KIRREL1: variants seen among roughly 807,000 people sequenced by gnomAD.
KIRREL1 encodes kin of IRRE-like protein 1.
In KIRREL1, 25 loss-of-function variants were observed where a neutral mutation model predicts 83.3. The observed-to-expected ratio is 0.30, with a 90% CI of 0.22 to 0.42. KIRREL1 has a LOEUF of 0.42. Among genes scored for constraint, KIRREL1 ranks in the 10% least tolerant of loss-of-function variants. The probability of loss-of-function intolerance (pLI) is 1.00; values close to 1 mark genes in which losing one functional copy is unlikely to be tolerated. For synonymous variants in KIRREL1, 388 were observed against 410.4 expected (o/e 0.95, Z 0.66); for missense variants, 812 against 1,032.3 (o/e 0.79, Z 2.92).
chr1:158,095,074 C>CG lies in KIRREL1; in HGVS notation c.2230dup (p.Asp744GlyfsTer37). The CG allele has an allele frequency of 1.2e-6, 2 of 1,610,940 alleles. No individual in the cohort carries two copies. The highest frequency in any genetic ancestry group is 1.7e-6 in the Non-Finnish European group (2 of 1,177,792). Reference sequence around the variant, plus strand: ...CGATTCTCCTACACCTCCCAGCACTCGGACTACGGCCAGCGATTCCAGCAG... The same window carrying CG: ...CGATTCTCCTACACCTCCCAGCACTCGGGACTACGGCCAGCGATTCCAGCAG... On this transcript the variant is annotated frameshift_variant, in exon 15 of 15. Transcript: ENST00000359209. LOFTEE classifies it high-confidence loss of function.
At chr1:158,009,320 CCATTAA>C (rs1659606264) in intron 1 of KIRREL1, among the ~76,000 whole-genome samples, 4 of 152,156 alleles carry the variant, frequency 2.6e-5, no homozygotes, top group Admixed American at 2.6e-4. Flanking sequence ...TACTTCTTTG[CCATTAA>C]CTAGCAGTGA....
At chr1:158,091,661 C>T in intron 11 of KIRREL1, 105 bp downstream of exon 11, 1 of 1,109,054 alleles carries the variant, frequency 9.0e-7, no homozygotes, top group South Asian at 1.4e-5. Context: ...CCCTTGGGCT[C>T]TGCTCTGAGG....
At chr1:158,035,350 A>G (rs1187311137) in intron 1 of KIRREL1, among the ~76,000 whole-genome samples, 3 of 152,214 alleles carry the variant, frequency 2.0e-5, no homozygotes, top group Non-Finnish European at 4.4e-5. Flanking sequence ...GGAGCCTGAC[A>G]GCAAGGACTG....
chr1:158,076,801 T>C (rs536669962), intron 2 of KIRREL1, among the ~76,000 whole-genome samples: 63 of 152,272 alleles, frequency 4.1e-4, no homozygotes, highest in Non-Finnish European at 7.5e-4. Flanking sequence ...AAGCACTGGC[T>C]ATGTAGCTGG....
At chr1:158,048,326 G>A (rs1228882520) in intron 1 of KIRREL1, among the ~76,000 whole-genome samples, 1 of 152,202 alleles carries the variant, frequency 6.6e-6, no homozygotes, top group Non-Finnish European at 1.5e-5. Flanking sequence ...AGGAAACTGA[G>A]GCACAGAGCA....
intron 1 of KIRREL1, among the ~76,000 whole-genome samples, chr1:158,008,307 G>T (rs1373458557): frequency 1.3e-5 from 2 of 152,122 alleles, no homozygotes; most frequent in Admixed American, 1.3e-4. Context: ...GGCCCCAGGG[G>T]TCTCTGCCAG....
chr1:158,042,839 C>T (rs1187564160), intron 1 of KIRREL1, among the ~76,000 whole-genome samples: 1 of 148,656 alleles, frequency 6.7e-6, no homozygotes, highest in Non-Finnish European at 1.5e-5. Context: ...TTTGGGAGGC[C>T]AAGGTGGGAG....
chr1:158,031,341 GTGCACACACACACA>G (rs1660321002), intron 1 of KIRREL1, among the ~76,000 whole-genome samples: 1 of 143,042 alleles, frequency 7.0e-6, no homozygotes, highest in Admixed American at 6.8e-5. Context: ...ACACACGCGC[GTGCACACACACACA>G]TGCACACACA....
At position 158,096,835 on chromosome 1, in the gene KIRREL1, A is replaced by G; in HGVS notation, c.*1715A>G. On this transcript the variant is annotated 3_prime_UTR_variant, in exon 15 of 15. Transcript: ENST00000359209. ...CTGCATGTCCAGCCCAGTGGGAGAC[A>G]GGGCCTCTGGTGCAGTTCCCAAAAT... The G allele has an allele frequency of 2.2e-6, 1 of 456,692 alleles. No homozygotes were observed. The highest frequency in any genetic ancestry group is 4.4e-6 in the Non-Finnish European group (1 of 226,980). The allele number at this position is 456,692 out of a possible 1,614,324, so 28.3% of individuals were successfully genotyped here. A position where few individuals can be genotyped will look rare whatever the true frequency, so the allele number is the denominator to read the frequency against.
intron 1 of KIRREL1, among the ~76,000 whole-genome samples, chr1:158,067,074 G>A (rs1303964598): frequency 1.3e-5 from 2 of 152,180 alleles, no homozygotes; most frequent in Non-Finnish European, 2.9e-5. Context: ...TAGGTCTGGC[G>A]CAGGTGCCCT....
chr1:158,084,507 C>T lies in KIRREL1; in HGVS notation c.438C>T (p.Phe146=). The T allele has an allele frequency of 1.3e-6, 2 of 1,551,806 alleles. No individual in the cohort carries two copies. The highest frequency in any genetic ancestry group is 1.7e-6 in the Non-Finnish European group (2 of 1,147,012). ...CCCACAACCTCACATGCCGGGCCTTCAATGCGAAGCCTGCTGCCACCATCA... is the reference window on the plus strand; with the variant it reads ...CCCACAACCTCACATGCCGGGCCTTTAATGCGAAGCCTGCTGCCACCATCA... ...GTPHNLTCRA[F]NAKPAATIIW... The change falls in exon 4 of 15, where the codon TTC becomes TTT. Residue 146 remains phenylalanine (F), a synonymous_variant. Transcript: ENST00000359209.
intron 1 of KIRREL1, among the ~76,000 whole-genome samples, chr1:157,998,713 T>C (rs1408513233): frequency 6.6e-6 from 1 of 152,150 alleles, no homozygotes; most frequent in African/African-American, 2.4e-5. Flanking sequence ...TCTGGTAGGA[T>C]TGGAGGCTAG....
intron 2 of KIRREL1, among the ~76,000 whole-genome samples, chr1:158,077,586 G>T (rs1298147124): frequency 2.6e-5 from 4 of 152,192 alleles, no homozygotes; most frequent in Admixed American, 2.0e-4. Context: ...GAGTCCTGCA[G>T]AGGTGCTCCC....
At chr1:157,994,014 G>C (rs1203550769) in intron 1 of KIRREL1, among the ~76,000 whole-genome samples, 1 of 152,246 alleles carries the variant, frequency 6.6e-6, no homozygotes, top group Non-Finnish European at 1.5e-5. Context: ...CGAGTAAAAC[G>C]GGGAACCGAA....
In KIRREL1 at chr1:158,067,939, G is replaced by C. The variant is rs1201762763; in HGVS notation, c.53-8174G>C. 2.0e-5 allele frequency among the ~76,000 whole-genome samples: 3 copies of C among 152,152 alleles called. 1 individual carries two copies. The highest frequency in any genetic ancestry group is 4.4e-5 in the Non-Finnish European group (3 of 68,024). The stretch of plus-strand genomic sequence containing the variant: ...CATGGTCACTTGTAAAATCCCATCT[G>C]GTCCCTGGAAAGATTCCCCTACGGC... On this transcript the variant is annotated intron_variant, in intron 1 of 14. Transcript: ENST00000359209.
At chr1:157,994,826 CAT>C (rs1274543258) in intron 1 of KIRREL1, among the ~76,000 whole-genome samples, 1 of 152,128 alleles carries the variant, frequency 6.6e-6, no homozygotes, top group Non-Finnish European at 1.5e-5. Context: ...GAGACAGACA[CAT>C]ATACACAAAG....
At chr1:158,089,657 G>A in intron 9 of KIRREL1, 29 bp downstream of exon 9, 2 of 1,613,562 alleles carry the variant, frequency 1.2e-6, no homozygotes, top group African/African-American at 1.3e-5. Context: ...AGGCAGCCGG[G>A]CCTGGGCGGG....
At chr1:158,090,823 C>A (rs915068701) in intron 10 of KIRREL1, among the ~76,000 whole-genome samples, 15 of 152,212 alleles carry the variant, frequency 9.9e-5, no homozygotes, top group African/African-American at 1.9e-4. Context: ...TGGAAGAAAT[C>A]TTGAGCATTG....
At chr1:158,046,813 C>T (rs1254973621) in intron 1 of KIRREL1, among the ~76,000 whole-genome samples, 1 of 152,172 alleles carries the variant, frequency 6.6e-6, no homozygotes, top group Non-Finnish European at 1.5e-5. Context: ...ACTAAAAGTT[C>T]TGGTGTGAGT....
Sources: allele counts gnomAD v4.1 joint callset (sites outside exome capture counted in the v4.1 genomes callset), GRCh38; gene constraint gnomAD v4.1.1; transcripts MANE v1.5; gene names NCBI Gene and HGNC (gene_info 2026-07-23, HGNC 2026-07-21).